Variants in USH2A observed in about 807,000 individuals in gnomAD.
USH2A encodes the protein usherin.
A neutral mutation model predicts 538.9 loss-of-function variants in USH2A; 443 were observed. That is an observed-to-expected ratio of 0.82 (90% CI 0.76 to 0.89). The LOEUF is 0.89. USH2A is among the 40% of genes least tolerant of loss of function. The probability of loss-of-function intolerance (pLI) is 0.00; values close to 1 mark genes in which losing one functional copy is unlikely to be tolerated. For missense variants in USH2A, 6,633 were observed against 6,324.8 expected (o/e 1.05, Z -1.65); for synonymous variants, 2,413 against 2,273.5 (o/e 1.06, Z -1.75).
chr1:215,842,813 G>C (rs987294474), intron 46 of USH2A, among the ~76,000 whole-genome samples: 6 of 152,014 alleles, frequency 3.9e-5, no homozygotes, highest in African/African-American at 1.4e-4. Flanking sequence ...CCTGTTGGGG[G>C]GGCATCAGGG....
chr1:216,034,224 G>C (rs1055310320), intron 32 of USH2A, among the ~76,000 whole-genome samples: 3 of 152,276 alleles, frequency 2.0e-5, no homozygotes, highest in African/African-American at 7.2e-5. Flanking sequence ...AACAGTAATA[G>C]GGAAAATTGA....
intron 30 of USH2A, among the ~76,000 whole-genome samples, chr1:216,050,803 C>T (rs1220693383): frequency 2.0e-5 from 3 of 151,306 alleles, no homozygotes; most frequent in African/African-American, 7.3e-5. Context: ...GATGGGGTTT[C>T]ACCGTGTTAG....
intron 21 of USH2A, among the ~76,000 whole-genome samples, chr1:216,105,589 G>T (rs1429634952): frequency 6.6e-6 from 1 of 151,834 alleles, no homozygotes; most frequent in East Asian, 1.9e-4. Context: ...TTATTCAATA[G>T]TATTTTGGAT....
intron 37 of USH2A, among the ~76,000 whole-genome samples, chr1:215,949,249 T>C (rs1427949308): frequency 6.6e-6 from 1 of 151,950 alleles, no homozygotes; most frequent in Non-Finnish European, 1.5e-5. Flanking sequence ...AAATGTGAGG[T>C]CCTTATGGGG....
intron 35 of USH2A, among the ~76,000 whole-genome samples, chr1:215,988,279 G>T (rs1401950243): frequency 2.0e-5 from 3 of 151,870 alleles, no homozygotes; most frequent in Non-Finnish European, 4.4e-5. Flanking sequence ...GTGCAATCAT[G>T]CAGTATTTGT....
chr1:215,985,594 T>G (rs1048259323), intron 35 of USH2A, among the ~76,000 whole-genome samples: 1 of 152,200 alleles, frequency 6.6e-6, no homozygotes, highest in Non-Finnish European at 1.5e-5. Context: ...TGGCAAATTC[T>G]TATAAATTAT....
chr1:215,632,284 T>G (rs2102628802), intron 70 of USH2A, among the ~76,000 whole-genome samples: 1 of 152,266 alleles, frequency 6.6e-6, no homozygotes, highest in South Asian at 2.1e-4. Context: ...CCCTCAGAAC[T>G]TCAGGTCCTG....
chr1:216,196,750 T>C, intron 18 of USH2A, 28 bp from the exon 19 acceptor site: 1 of 1,606,556 alleles, frequency 6.2e-7, no homozygotes, highest in Non-Finnish European at 8.5e-7. Context: ...AACAATAACA[T>C]CAAAACAATG....
chr1:215,836,498 A>G (rs1222526722), intron 47 of USH2A, among the ~76,000 whole-genome samples: 1 of 17,776 alleles, frequency 5.6e-5, no homozygotes, highest in African/African-American at 1.5e-4. Context: ...TTATATATAT[A>G]ATATATATTA....
chr1:215,847,784 T>C (rs1663905735), intron 44 of USH2A, among the ~76,000 whole-genome samples: 1 of 152,144 alleles, frequency 6.6e-6, no homozygotes, highest in South Asian at 2.1e-4. Flanking sequence ...TAAAGTAATA[T>C]AGCTTTGAGA....
chr1:215,793,573 A>T (rs1355196676), intron 50 of USH2A, among the ~76,000 whole-genome samples: 1 of 152,212 alleles, frequency 6.6e-6, no homozygotes, highest in Admixed American at 6.5e-5. Flanking sequence ...CTTTTCAAAA[A>T]AAAAATCATT....
At chr1:216,386,520 CAAAAAACAAAAACCAAAAAACTATA>C (rs2102740261) in intron 3 of USH2A, among the ~76,000 whole-genome samples, 1 of 67,296 alleles carries the variant, frequency 1.5e-5, no homozygotes. Flanking sequence ...AACAAACAAA[CAAAAAACAAAAACCAAAAAACTATA>C]TATATATATA....
intron 61 of USH2A, among the ~76,000 whole-genome samples, chr1:215,698,351 G>A (rs953718337): frequency 6.6e-6 from 1 of 152,170 alleles, no homozygotes; most frequent in African/African-American, 2.4e-5. Context: ...TAATGGGATT[G>A]CTGGGTCAAA....
At chr1:215,629,902 A>G in intron 70 of USH2A, 1 of 300,618 alleles carries the variant, frequency 3.3e-6, no homozygotes, top group Non-Finnish European at 6.5e-6. Flanking sequence ...CAGCCTCCCG[A>G]GTAGCTGGGA....
intron 21 of USH2A, among the ~76,000 whole-genome samples, chr1:216,119,603 G>A (rs954846079): frequency 5.3e-5 from 8 of 151,866 alleles, no homozygotes; most frequent in Non-Finnish European, 1.0e-4. Flanking sequence ...TTAATTAAAC[G>A]AAATATCCCA....
intron 47 of USH2A, among the ~76,000 whole-genome samples, chr1:215,833,437 CAATA>C (rs552514321): frequency 8.0e-4 from 121 of 151,872 alleles, no homozygotes; most frequent in African/African-American, 2.8e-3. Flanking sequence ...TAAAAATATT[CAATA>C]AAGAAAAGAT....
chr1:216,130,515 T>G (rs1443234588), intron 21 of USH2A, among the ~76,000 whole-genome samples: 2 of 147,344 alleles, frequency 1.4e-5, no homozygotes, highest in African/African-American at 2.5e-5. Context: ...CTGAGTAGTA[T>G]TCCATCATAT....
intron 4 of USH2A, among the ~76,000 whole-genome samples, chr1:216,340,052 T>A (rs1395550312): frequency 6.6e-6 from 1 of 151,550 alleles, no homozygotes; most frequent in East Asian, 1.9e-4. Context: ...CAGGAGCTGT[T>A]TTTTTTGAAA....
rs553448026 is a variant in USH2A, at chr1:216,233,243, T to C, written c.2810-1107A>G. Among the ~76,000 whole-genome samples, 3 of 152,206 alleles carry C rather than the reference T, an allele frequency of 2.0e-5. No homozygotes were observed. The South Asian group carries it at 6.2e-4, about 32-fold the overall frequency. ...CTCAGTCCATTGCAGTCATATTTGT[T>C]CCTCTTCTTGAGACCTAAAGGCCTT... On this transcript the variant is annotated intron_variant, in intron 13 of 71. Coordinates refer to ENST00000307340, the MANE Select transcript of USH2A (RefSeq NM_206933.4).
Sources: gnomAD v4.1 joint callset for allele counts (sites outside exome capture counted in the v4.1 genomes callset) on GRCh38, gnomAD v4.1.1 for gene constraint, MANE v1.5 for transcripts, NCBI Gene and HGNC (gene_info 2026-07-23, HGNC 2026-07-21) for gene names.